PLB1: variants seen among roughly 807,000 people sequenced by gnomAD.
PLB1 encodes phospholipase B1.
PLB1 carries 242 observed loss-of-function variants against 227.4 expected under a neutral mutation model. The ratio of observed to expected loss-of-function variants is 1.06; its 90% CI spans 0.96 to 1.18. PLB1 has a LOEUF of 1.18. PLB1 is among the 50% of genes most tolerant of loss of function. The pLI, the probability that PLB1 is intolerant of heterozygous loss-of-function variation, is 0.00. For missense variants in PLB1, 1,858 were observed against 1,816.3 expected, an observed-to-expected ratio of 1.02 and a Z score of -0.42; for synonymous variants, 757 against 682.2, an observed-to-expected ratio of 1.11 and a Z score of -1.71.
At chr2:28,591,597 A>T (rs1414061871) in intron 30 of PLB1, 103 bp from the exon 31 acceptor site, 2 of 1,222,280 alleles carry the variant, frequency 1.6e-6, no homozygotes, top group African/African-American at 1.5e-5. Context: ...TAGGAGTAGG[A>T]CCCAGGAATC....
intron 3 of PLB1, 88 bp from the exon 4 acceptor site, chr2:28,519,617 T>C: frequency 2.0e-6 from 2 of 983,210 alleles, no homozygotes; most frequent in Admixed American, 1.9e-5. Flanking sequence ...GGCTGGGGAA[T>C]GTGAGTCTCC....
chr2:28,614,091 A>G lies in PLB1; in HGVS notation c.3190A>G (p.Ile1064Val). 1 of 1,611,834 alleles carries G rather than the reference A, an allele frequency of 6.2e-7. No homozygotes were observed. Among genetic ancestry groups the G allele is most frequent in the South Asian group, 1.1e-5 (1 of 91,030 alleles). Residue 1064 changes from isoleucine (I) to valine (V), a missense_variant, in exon 44 of 58, where the codon ATT becomes GTT. By Grantham distance (29) the Ile-to-Val change is conservative. Transcript: ENST00000327757. ...SNYTYPIKPA[I>V]ENWGSDFLCT... ...CTACACGTACCCCATCAAGCCAGCC[A>G]TTGAGGTAACCCCTGACTCACATCT...
At chr2:28,642,081 C>CT (rs1690037291) in intron 57 of PLB1, among the ~76,000 whole-genome samples, 1 of 152,178 alleles carries the variant, frequency 6.6e-6, no homozygotes, top group Non-Finnish European at 1.5e-5. Context: ...CCTCCAGGTC[C>CT]AGATGTTGCC....
chr2:28,511,802 T>TTTTTTTTTG (rs1668293619), intron 1 of PLB1, among the ~76,000 whole-genome samples: 1 of 151,142 alleles, frequency 6.6e-6, no homozygotes, highest in African/African-American at 2.4e-5. Flanking sequence ...TTTTTTTTTT[T>TTTTTTTTTG]GAGATGGAGT....
intron 35 of PLB1, among the ~76,000 whole-genome samples, chr2:28,600,151 C>G (rs1180743860): frequency 2.0e-5 from 3 of 152,232 alleles, no homozygotes; most frequent in Non-Finnish European, 4.4e-5. Flanking sequence ...CTCAAGCAAT[C>G]CACCCACCTC....
At chr2:28,615,750 G>A (rs1033549674) in intron 44 of PLB1, among the ~76,000 whole-genome samples, 9 of 152,298 alleles carry the variant, frequency 5.9e-5, no homozygotes, top group African/African-American at 1.7e-4. Context: ...CTAAGTGCTC[G>A]GTAGACAGTG....
Position 28,643,105 on chromosome 2 carries a change from C to G in PLB1, c.*44C>G, listed in dbSNP as rs1690153262. ...ACCCTAAACTCCCTATAGCCACTCT[C>G]TTCACCGCCCTCTGCCCCAGCCACT... On this transcript the variant is annotated 3_prime_UTR_variant, in exon 58 of 58. Coordinates refer to ENST00000327757, the MANE Select transcript of PLB1 (RefSeq NM_153021.5). 1 of 1,482,856 alleles carries G rather than the reference C, an allele frequency of 6.7e-7. No homozygotes were observed. The highest frequency in any genetic ancestry group is 1.4e-5 in the African/African-American group (1 of 71,986). The allele number at this position is 1,482,856 out of a possible 1,614,324, so 91.9% of individuals were successfully genotyped here.
chr2:28,583,869 A>AT (rs1362463564), intron 25 of PLB1, among the ~76,000 whole-genome samples: 3 of 152,258 alleles, frequency 2.0e-5, no homozygotes, highest in Admixed American at 6.5e-5. Flanking sequence ...AAAATCTGAA[A>AT]TCTGAAATGC....
intron 4 of PLB1, among the ~76,000 whole-genome samples, chr2:28,523,056 A>G (rs561325112): frequency 9.7e-4 from 147 of 152,330 alleles, no homozygotes; most frequent in African/African-American, 3.5e-3. Flanking sequence ...GTTAATTGCT[A>G]TAGACCCCCT....
rs1218709702 is a variant in PLB1, at chr2:28,497,984, G to A, written c.55+1815G>A. 1.1e-4 allele frequency among the ~76,000 whole-genome samples: 17 copies of A among 151,788 alleles called. No homozygotes were observed. In the East Asian group the frequency reaches 3.3e-3, roughly 29 times the overall value. ...TCTGCCTGCCTCGGCCTCCCAGAGA[G>A]CTGGGATTACAGGTGTGAGCCACCG... On this transcript the variant is annotated intron_variant, in intron 1 of 57. Coordinates refer to ENST00000327757, the MANE Select transcript of PLB1 (RefSeq NM_153021.5).
Position 28,550,057 on chromosome 2 carries a change from A to C in PLB1, c.1056A>C (p.Arg352Ser). ...FSYRNSNYLTRLQKPQDKLEV... is the reference protein window; with the variant it reads ...FSYRNSNYLTSLQKPQDKLEV... ...ACAGAAACAGCAACTACCTGACCAG[A>C]CTGCAGAAACCCCAAGACAAGCTTG... Residue 352 changes from arginine (R) to serine (S), a missense_variant, in exon 16 of 58, where the codon AGA becomes AGC. By Grantham distance (110) the Arg-to-Ser change is moderately radical. Transcript: ENST00000327757. 1.2e-6 allele frequency: 2 copies of C among 1,613,344 alleles called. No individual in the cohort carries two copies. The highest frequency in any genetic ancestry group is 1.7e-6 in the Non-Finnish European group (2 of 1,179,452).
intron 20 of PLB1, among the ~76,000 whole-genome samples, chr2:28,572,220 C>T (rs1008543012): frequency 6.6e-6 from 1 of 152,146 alleles, no homozygotes; most frequent in Non-Finnish European, 1.5e-5. Context: ...AAGTCACATC[C>T]ACTAGCATGG....
intron 56 of PLB1, among the ~76,000 whole-genome samples, chr2:28,638,827 GAAAAAAAAAAAA>G (rs35972276): frequency 3.1e-5 from 2 of 63,620 alleles, no homozygotes; most frequent in Non-Finnish European, 5.9e-5. Context: ...GCTGGAGATT[GAAAAAAAAAAAA>G]AAAAAAAAAA....
intron 16 of PLB1, 36 bp from the exon 17 acceptor site, chr2:28,552,892 T>A: frequency 6.3e-7 from 1 of 1,594,778 alleles, no homozygotes; most frequent in Non-Finnish European, 8.6e-7. Context: ...TTTAGAAAAA[T>A]CCATTTTCCT....
intron 10 of PLB1, 100 bp downstream of exon 10, chr2:28,538,481 T>C: frequency 9.0e-7 from 1 of 1,107,632 alleles, no homozygotes; most frequent in Non-Finnish European, 1.3e-6. Flanking sequence ...TGAGGGAGAC[T>C]GGGACCCTCG....
intron 1 of PLB1, among the ~76,000 whole-genome samples, chr2:28,509,550 G>T (rs1253259353): frequency 2.0e-5 from 3 of 152,214 alleles, no homozygotes; most frequent in Non-Finnish European, 4.4e-5. Context: ...GTTGGTTCCA[G>T]ACCCCAGTGG....
intron 4 of PLB1, among the ~76,000 whole-genome samples, chr2:28,524,484 G>C (rs75650257): frequency 6.6e-6 from 1 of 151,836 alleles, no homozygotes; most frequent in Non-Finnish European, 1.5e-5. Context: ...TACCTTGTTC[G>C]TTCCAAAAAT....
chr2:28,597,323 G>T (rs1683127062), intron 33 of PLB1, among the ~76,000 whole-genome samples: 2 of 148,494 alleles, frequency 1.3e-5, no homozygotes, highest in African/African-American at 5.0e-5. Flanking sequence ...ATTCGAAAAA[G>T]AGACACAGAA....
chr2:28,640,968 C>T lies in PLB1; in HGVS notation c.4140C>T (p.Thr1380=), dbSNP rs1474100219. The change falls in exon 57 of 58, where the codon ACC becomes ACT. Residue 1380 remains threonine (T), a synonymous_variant. Coordinates refer to ENST00000327757, the MANE Select transcript of PLB1 (RefSeq NM_153021.5). ...VGRKTTSNNF[T]HSRAKLKCPS... is the part of the protein sequence containing the mutation. ...GCAAGACTACCTCCAACAACTTCACCCACAGCCGAGCCAAACTCAAGTGCC... is the reference window on the plus strand; with the variant it reads ...GCAAGACTACCTCCAACAACTTCACTCACAGCCGAGCCAAACTCAAGTGCC... 5.0e-6 allele frequency: 8 copies of T among 1,613,916 alleles called. No homozygotes were observed. Among genetic ancestry groups the T allele is most frequent in the Non-Finnish European group, 6.8e-6 (8 of 1,179,908 alleles).
Sources: allele counts gnomAD v4.1 joint callset (sites outside exome capture counted in the v4.1 genomes callset), GRCh38; gene constraint gnomAD v4.1.1; transcripts MANE v1.5; gene names NCBI Gene and HGNC (gene_info 2026-07-23, HGNC 2026-07-21).